Variants in NLRP2 observed in about 807,000 individuals in gnomAD.
NLRP2 encodes NACHT, LRR and PYD domains-containing protein 2.
In NLRP2, 107 loss-of-function variants were observed where a neutral mutation model predicts 97.2. The observed-to-expected ratio is 1.10, with a 90% CI of 0.94 to 1.29. The LOEUF (loss-of-function observed/expected upper bound fraction) is 1.29, where lower values mean the gene tolerates loss of function less well. Among genes scored for constraint, NLRP2 ranks in the 50% most tolerant of loss-of-function variants. NLRP2 has a pLI of 0.00. For synonymous variants in NLRP2, 663 were observed against 551.5 expected, an observed-to-expected ratio of 1.20 and a Z score of -2.83; for missense variants, 1,495 against 1,330.3, an observed-to-expected ratio of 1.12 and a Z score of -1.93.
Position 54,994,317 on chromosome 19 carries a change from G to A in NLRP2, c.2757G>A (p.Lys919=), listed in dbSNP as rs2072677582. ...GCGATGGCTGCTGCGATCTCACAAA[G>A]CTTCTCCAAGAAAAATCAAGCCTGT... is the stretch of plus-strand genomic sequence containing the variant. ...ITSDGCCDLT[K]LLQEKSSLLC... The change falls in exon 11 of 13, where the codon AAG becomes AAA. Residue 919 remains lysine (K), a synonymous_variant. Coordinates refer to ENST00000448584, the MANE Select transcript of NLRP2 (RefSeq NM_017852.5). 11 of 1,614,000 alleles carry A rather than the reference G, an allele frequency of 6.8e-6. No homozygotes were observed. The highest frequency in any genetic ancestry group is 9.3e-6 in the Non-Finnish European group (11 of 1,180,026).
At position 55,000,981 on chromosome 19, in the gene NLRP2, C is replaced by T; in HGVS notation, c.*83C>T. 8.1e-7 allele frequency: 1 copy of T among 1,234,540 alleles called. No homozygotes were observed. Among genetic ancestry groups the T allele is most frequent in the East Asian group, 2.3e-5 (1 of 43,304 alleles). 76.5% of individuals were successfully genotyped at this position (1,234,540 alleles called of 1,614,324 possible). ...TGCCTGTGACTCCTCTCCTCCCCGG[C>T]CCCTACCCCTCAGGGATAATGAGTT... On this transcript the variant is annotated 3_prime_UTR_variant, in exon 13 of 13. Transcript: ENST00000448584.
At chr19:54,986,732 G>T (rs768034374) in intron 8 of NLRP2, among the ~76,000 whole-genome samples, 1 of 152,152 alleles carries the variant, frequency 6.6e-6, no homozygotes, top group Admixed American at 6.6e-5. Flanking sequence ...TGTGCATTTA[G>T]TGGAGCTGGT....
chr19:54,976,414 C>G (rs544814038), intron 3 of NLRP2, among the ~76,000 whole-genome samples: 55 of 151,652 alleles, frequency 3.6e-4, no homozygotes, highest in Non-Finnish European at 2.9e-5. Context: ...TGCAGTGGTA[C>G]AATCTCACTG....
At chr19:54,976,386 C>T (rs537849292) in intron 3 of NLRP2, among the ~76,000 whole-genome samples, 11 of 151,810 alleles carry the variant, frequency 7.2e-5, no homozygotes, top group Non-Finnish European at 1.5e-4. Context: ...GAGTCTTGCT[C>T]TGTCACCCAG....
At chr19:54,996,258 T>TG (rs2072816723) in intron 11 of NLRP2, among the ~76,000 whole-genome samples, 1 of 151,886 alleles carries the variant, frequency 6.6e-6, no homozygotes, top group Non-Finnish European at 1.5e-5. Context: ...TCCAGCACTT[T>TG]GGGAGGCCGA....
intron 1 of NLRP2, among the ~76,000 whole-genome samples, chr19:54,967,587 T>C (rs2070541960): frequency 6.6e-6 from 1 of 152,014 alleles, no homozygotes. Context: ...AGGATAGTTG[T>C]GTGTGCTTTT....
rs1407458122 is a variant in NLRP2 at position 54,983,096 on chromosome 19, C to T, written c.1398C>T (p.His466=). 2 of 1,613,390 alleles carry T rather than the reference C, an allele frequency of 1.2e-6. No individual in the cohort carries two copies. The highest frequency in any genetic ancestry group is 1.1e-5 in the South Asian group (1 of 91,064). Reference sequence around the variant, plus strand: ...TGTGGGCGCAGACGTCCGTGCTTCACCGAGAGGATCTGGAAAGGCTCGGGG... The same window carrying T: ...TGTGGGCGCAGACGTCCGTGCTTCATCGAGAGGATCTGGAAAGGCTCGGGG... ...QGLWAQTSVL[H]REDLERLGVQ... is the part of the protein sequence containing the mutation. Residue 466 remains histidine, a synonymous_variant, in exon 6 of 13, where the codon CAC becomes CAT. Transcript: ENST00000448584.
At position 54,974,405 on chromosome 19, in the gene NLRP2, G is replaced by C; in HGVS notation, c.281-95G>C. 4 of 892,500 alleles carry C rather than the reference G, an allele frequency of 4.5e-6. 1 individual carries two copies. In the Admixed American group the frequency reaches 7.1e-5, roughly 16 times the overall value. The allele number at this position is 892,500 out of a possible 1,614,324, so 55.3% of individuals were successfully genotyped here. On this transcript the variant is annotated intron_variant, in intron 2 of 12. Transcript: ENST00000448584. ...AAGGAGATAAGAGAAAGGAACAAGT[G>C]ATCCAGTTCTAAGTGTCATCTTTTC...
chr19:55,000,240 G>GCAC (rs1397071367), intron 12 of NLRP2, among the ~76,000 whole-genome samples: 2 of 132,606 alleles, frequency 1.5e-5, no homozygotes, highest in Non-Finnish European at 3.1e-5. Context: ...TGGTACCACT[G>GCAC]CACTCCAGCT....
chr19:54,990,287 G>A (rs752352580), intron 9 of NLRP2, 95 bp downstream of exon 9: 32 of 1,330,668 alleles, frequency 2.4e-5, no homozygotes, highest in South Asian at 1.2e-4. Flanking sequence ...GGAACCTCTC[G>A]CTGATGTGAA....
At chr19:54,996,079 A>C (rs115046474) in intron 11 of NLRP2, among the ~76,000 whole-genome samples, 220 of 149,036 alleles carry the variant, frequency 1.5e-3, no homozygotes, top group African/African-American at 4.7e-3. Flanking sequence ...CGCCTTTTTA[A>C]TCACTCACTG....
intron 12 of NLRP2, among the ~76,000 whole-genome samples, chr19:54,999,038 G>A (rs186216118): frequency 1.3e-5 from 2 of 150,546 alleles, no homozygotes; most frequent in African/African-American, 4.9e-5. Flanking sequence ...CCTCCCTCCC[G>A]GACAGGGCGG....
intron 1 of NLRP2, among the ~76,000 whole-genome samples, chr19:54,968,807 T>C (rs1361269176): frequency 6.7e-6 from 1 of 148,954 alleles, no homozygotes; most frequent in Non-Finnish European, 1.5e-5. Context: ...GTTCAAGCGA[T>C]TCTCCTGCCT....
intron 10 of NLRP2, 105 bp from the exon 11 acceptor site, chr19:54,994,164 A>G (rs997838166): frequency 2.5e-6 from 3 of 1,179,432 alleles, no homozygotes; most frequent in Non-Finnish European, 3.8e-6. Context: ...CCATGTCACC[A>G]CTGTCTCTAA....
chr19:54,980,185 A>G (rs1399822156), intron 4 of NLRP2, among the ~76,000 whole-genome samples: 1 of 143,782 alleles, frequency 7.0e-6, no homozygotes, highest in African/African-American at 2.6e-5. Context: ...GTGGCATGGC[A>G]GGTAAAGAAA....
At chr19:54,995,112 A>C (rs2072732384) in intron 11 of NLRP2, among the ~76,000 whole-genome samples, 1 of 149,240 alleles carries the variant, frequency 6.7e-6, no homozygotes, top group African/African-American at 2.5e-5. Flanking sequence ...TCAGGAGCTC[A>C]AGACCAGCCT....
At chr19:54,989,026 C>T (rs909252380) in intron 8 of NLRP2, among the ~76,000 whole-genome samples, 2 of 151,874 alleles carry the variant, frequency 1.3e-5, no homozygotes, top group Non-Finnish European at 2.9e-5. Flanking sequence ...GGAGTGATCT[C>T]GGCTTACTGC....
chr19:54,981,120 T>C (rs2071541919), intron 4 of NLRP2, among the ~76,000 whole-genome samples: 1 of 151,866 alleles, frequency 6.6e-6, no homozygotes, highest in Non-Finnish European at 1.5e-5. Flanking sequence ...AACAGACCTA[T>C]AGCTGACCTG....
chr19:54,968,492 AT>A (rs34532293), intron 1 of NLRP2, among the ~76,000 whole-genome samples: 70,838 of 145,166 alleles, frequency 0.49, 17,391 homozygotes, highest in African/African-American at 0.59. Context: ...GCCCAGCACA[AT>A]TTTTTTTTTT....
Sources: allele counts gnomAD v4.1 joint callset (sites outside exome capture counted in the v4.1 genomes callset), GRCh38; gene constraint gnomAD v4.1.1; transcripts MANE v1.5; gene names NCBI Gene and HGNC (gene_info 2026-07-23, HGNC 2026-07-21).